The following FOXO1 variants were observed in gnomAD, a reference collection of about 807,000 sequenced individuals.
The protein encoded by FOXO1 is forkhead box protein O1.
In FOXO1, 6 loss-of-function variants were observed where a neutral mutation model predicts 44.1. The observed-to-expected ratio is 0.14, with a 90% CI of 0.07 to 0.27. The LOEUF (loss-of-function observed/expected upper bound fraction) is 0.27. Ranked by LOEUF, FOXO1 falls within the 10% of genes least tolerant of loss-of-function variation. The pLI, the probability that FOXO1 is intolerant of heterozygous loss-of-function variation, is 1.00. For synonymous variants in FOXO1, 380 were observed against 362.7 expected (o/e 1.05, Z -0.54); for missense variants, 737 against 888.8 (o/e 0.83, Z 2.17).
At chr13:40,640,689 T>C (rs1020733679) in intron 1 of FOXO1, among the ~76,000 whole-genome samples, 2 of 152,226 alleles carry the variant, frequency 1.3e-5, no homozygotes, top group African/African-American at 4.8e-5. Flanking sequence ...TCAGTAGCCT[T>C]CCTGAAGCTT....
chr13:40,634,079 G>GT (rs1877062917), intron 1 of FOXO1, among the ~76,000 whole-genome samples: 1 of 152,198 alleles, frequency 6.6e-6, no homozygotes, highest in African/African-American at 2.4e-5. Context: ...TTACAATCTA[G>GT]TAACTGACAA....
Position 40,665,631 on chromosome 13 carries a change from C to A in FOXO1, c.582G>T (p.Val194=). ...SQIYEWMVKS[V]PYFKDKGDSN... The stretch of plus-strand genomic sequence containing the variant: ...TGTCACCCTTATCCTTGAAGTAGGG[C>A]ACGCTCTTGACCATCCACTCGTAGA... The change falls in exon 1 of 3, where the codon GTG becomes GTT. Residue 194 remains valine (V), a synonymous_variant. Transcript: ENST00000379561. 6.7e-7 allele frequency: 1 copy of A among 1,495,284 alleles called. No homozygotes were observed. Among genetic ancestry groups the A allele is most frequent in the Non-Finnish European group, 9.0e-7 (1 of 1,112,138 alleles). 92.6% of individuals were successfully genotyped at this position (1,495,284 alleles called of 1,614,324 possible). A position where few individuals can be genotyped will look rare whatever the true frequency, so the allele number is the denominator to read the frequency against.
At chr13:40,665,447 C>A (rs1455022129) in intron 1 of FOXO1, 136 bp downstream of exon 1, 5 of 747,356 alleles carry the variant, frequency 6.7e-6, no homozygotes, top group Non-Finnish European at 5.6e-6. Flanking sequence ...CCACCGCGAC[C>A]ACCGCTTCTC....
At position 40,666,189 on chromosome 13, in the gene FOXO1, C is replaced by A; in HGVS notation, c.24G>T (p.Val8=). ...GCGGCTCGAAGTCCGGGTCGATCTCCACCACCTGAGGCGCCTCGGCCATGG... is the reference window on the plus strand; with the variant it reads ...GCGGCTCGAAGTCCGGGTCGATCTCAACCACCTGAGGCGCCTCGGCCATGG... MAEAPQV[V]EIDPDFEPLP... Residue 8 remains valine, a synonymous_variant, in exon 1 of 3, where the codon GTG becomes GTT. Transcript: ENST00000379561. 6.9e-7 allele frequency: 1 copy of A among 1,452,504 alleles called. No individual in the cohort carries two copies. Among genetic ancestry groups the A allele is most frequent in the Non-Finnish European group, 9.1e-7 (1 of 1,104,752 alleles). 90.0% of individuals were successfully genotyped at this position (1,452,504 alleles called of 1,614,324 possible).
At chr13:40,664,398 C>T (rs1244031022) in intron 1 of FOXO1, among the ~76,000 whole-genome samples, 1 of 152,148 alleles carries the variant, frequency 6.6e-6, no homozygotes. Context: ...CGGGAAGCCT[C>T]CCCGGAGCCG....
intron 1 of FOXO1, among the ~76,000 whole-genome samples, chr13:40,645,707 A>C (rs1015135946): frequency 6.6e-6 from 1 of 152,202 alleles, no homozygotes; most frequent in African/African-American, 2.4e-5. Flanking sequence ...CAAAGAAGAG[A>C]TGAAAAACTA....
intron 1 of FOXO1, among the ~76,000 whole-genome samples, chr13:40,564,541 T>C (rs966544558): frequency 6.6e-6 from 1 of 152,116 alleles, no homozygotes; most frequent in Admixed American, 6.5e-5. Flanking sequence ...TTTGTAAAAA[T>C]GTGTTGCTAT....
chr13:40,582,211 T>C (rs927123220), intron 1 of FOXO1, among the ~76,000 whole-genome samples: 2 of 152,206 alleles, frequency 1.3e-5, no homozygotes, highest in East Asian at 1.9e-4. Context: ...AAGTGTGCAA[T>C]AGCCATATTT....
rs559077532 is a variant in FOXO1 at position 40,593,401 on chromosome 13, C to T, written c.631-32541G>A. Among the ~76,000 whole-genome samples the T allele has an allele frequency of 7.2e-5, 11 of 152,280 alleles. No homozygotes were observed. In the South Asian group the frequency reaches 1.5e-3, roughly 20 times the overall value. On this transcript the variant is annotated intron_variant, in intron 1 of 2. Transcript: ENST00000379561. ...GGAGAAGTATTGAACCTCACATCAT[C>T]CTGCCACTGGAAAACAGTTCACTTC...
intron 1 of FOXO1, among the ~76,000 whole-genome samples, chr13:40,599,399 C>A (rs1247273512): frequency 1.3e-5 from 2 of 152,172 alleles, no homozygotes; most frequent in Admixed American, 6.5e-5. Flanking sequence ...AGCCTCACCA[C>A]AGCCTTACAC....
intron 1 of FOXO1, among the ~76,000 whole-genome samples, chr13:40,637,096 C>A (rs546502302): frequency 6.6e-6 from 1 of 152,224 alleles, no homozygotes; most frequent in Non-Finnish European, 1.5e-5. Context: ...CAGAAAGATA[C>A]CCCAACTCAA....
chr13:40,660,342 G>C (rs1187752715), intron 1 of FOXO1, among the ~76,000 whole-genome samples: 1 of 152,150 alleles, frequency 6.6e-6, no homozygotes, highest in Non-Finnish European at 1.5e-5. Flanking sequence ...CAAAGCTACA[G>C]CACATATAGG....
intron 1 of FOXO1, among the ~76,000 whole-genome samples, chr13:40,563,905 G>A (rs896507575): frequency 6.6e-6 from 1 of 152,156 alleles, no homozygotes; most frequent in Non-Finnish European, 1.5e-5. Flanking sequence ...GTCTGACCCT[G>A]ACATTTTCTA....
Position 40,665,634 on chromosome 13 carries a change from G to A in FOXO1, c.579C>T (p.Ser193=), listed in dbSNP as rs1878206525. The change falls in exon 1 of 3, where the codon AGC becomes AGT. Residue 193 remains serine, a synonymous_variant. Coordinates refer to ENST00000379561, the MANE Select transcript of FOXO1 (RefSeq NM_002015.4). Reference sequence around the variant, plus strand: ...CACCCTTATCCTTGAAGTAGGGCACGCTCTTGACCATCCACTCGTAGATCT... The same window carrying A: ...CACCCTTATCCTTGAAGTAGGGCACACTCTTGACCATCCACTCGTAGATCT... The part of the protein sequence containing the change: ...LSQIYEWMVK[S]VPYFKDKGDS... 6 of 1,501,452 alleles carry A rather than the reference G, an allele frequency of 4.0e-6. No individual in the cohort carries two copies. Among genetic ancestry groups the A allele is most frequent in the Non-Finnish European group, 3.6e-6 (4 of 1,115,476 alleles). 93.0% of individuals were successfully genotyped at this position (1,501,452 alleles called of 1,614,324 possible).
intron 1 of FOXO1, among the ~76,000 whole-genome samples, chr13:40,605,883 T>C (rs1383481885): frequency 3.3e-5 from 5 of 152,102 alleles, no homozygotes; most frequent in African/African-American, 1.2e-4. Context: ...AGATACCTCT[T>C]ATCAGCTGAC....
At chr13:40,616,559 G>C (rs905722886) in intron 1 of FOXO1, among the ~76,000 whole-genome samples, 6 of 152,204 alleles carry the variant, frequency 3.9e-5, no homozygotes, top group African/African-American at 1.4e-4. Context: ...AGAATGAGAA[G>C]CCCATTGGTA....
chr13:40,662,437 T>G (rs1334629023), intron 1 of FOXO1, among the ~76,000 whole-genome samples: 1 of 152,156 alleles, frequency 6.6e-6, no homozygotes, highest in African/African-American at 2.4e-5. Context: ...TTTCATTATT[T>G]ATAAATACTG....
chr13:40,661,099 A>C (rs1878022797), intron 1 of FOXO1, among the ~76,000 whole-genome samples: 1 of 152,226 alleles, frequency 6.6e-6, no homozygotes, highest in African/African-American at 2.4e-5. Flanking sequence ...GAAATGAAGT[A>C]TTCCAATTTG....
At chr13:40,647,386 T>C (rs1476767928) in intron 1 of FOXO1, among the ~76,000 whole-genome samples, 2 of 152,150 alleles carry the variant, frequency 1.3e-5, no homozygotes, top group East Asian at 1.9e-4. Context: ...GAGTCTACCA[T>C]GTGTCAATTT....
Sources: gnomAD v4.1 joint callset for allele counts (sites outside exome capture counted in the v4.1 genomes callset) on GRCh38, gnomAD v4.1.1 for gene constraint, MANE v1.5 for transcripts, NCBI Gene and HGNC (gene_info 2026-07-23, HGNC 2026-07-21) for gene names.